The following SLCO1C1 variants were observed in gnomAD, a reference collection of about 807,000 sequenced individuals.
The protein encoded by SLCO1C1 is OAT-RP-5.
Under a neutral mutation model 76.4 loss-of-function variants are expected in SLCO1C1, and 70 were observed. The observed-to-expected ratio is 0.92, with a 90% CI of 0.76 to 1.12. The LOEUF (loss-of-function observed/expected upper bound fraction) is 1.12. SLCO1C1 is among the 50% of genes most tolerant of loss of function. The pLI, the probability that SLCO1C1 is intolerant of heterozygous loss-of-function variation, is 0.00. For synonymous variants in SLCO1C1, 306 were observed against 286.1 expected (o/e 1.07, Z -0.70); for missense variants, 912 against 823.8 (o/e 1.11, Z -1.31).
chr12:20,720,162 A>G (rs1188490158), intron 7 of SLCO1C1, among the ~76,000 whole-genome samples: 1 of 152,214 alleles, frequency 6.6e-6, no homozygotes, highest in African/African-American at 2.4e-5. Context: ...TTTACTAACT[A>G]TTTGAAGCCC....
chr12:20,734,352 G>C (rs1048399170), intron 10 of SLCO1C1, among the ~76,000 whole-genome samples: 1 of 152,146 alleles, frequency 6.6e-6, no homozygotes, highest in Non-Finnish European at 1.5e-5. Context: ...TGCTGCCTTA[G>C]TGAAAGTCAG....
intron 9 of SLCO1C1, among the ~76,000 whole-genome samples, chr12:20,729,072 A>AT (rs1948155964): frequency 6.6e-6 from 1 of 152,200 alleles, no homozygotes. Context: ...AGATCAACAC[A>AT]TTTTATGATG....
At chr12:20,746,106 A>C (rs1949030396) in intron 13 of SLCO1C1, among the ~76,000 whole-genome samples, 2 of 152,126 alleles carry the variant, frequency 1.3e-5, no homozygotes, top group Non-Finnish European at 2.9e-5. Context: ...CTTTTTTTAT[A>C]CTAGAAAATG....
chr12:20,726,055 C>T (rs574765064), intron 9 of SLCO1C1, among the ~76,000 whole-genome samples: 3 of 152,104 alleles, frequency 2.0e-5, no homozygotes, highest in South Asian at 4.1e-4. Flanking sequence ...GCCGACTAAG[C>T]GTAAGTGGGC....
intron 12 of SLCO1C1, among the ~76,000 whole-genome samples, chr12:20,740,725 G>A (rs1948761202): frequency 7.1e-6 from 1 of 141,020 alleles, no homozygotes; most frequent in African/African-American, 2.6e-5. Context: ...CAAGTCATGG[G>A]AAATAGAATT....
intron 9 of SLCO1C1, among the ~76,000 whole-genome samples, chr12:20,731,736 T>C (rs1183914724): frequency 1.3e-5 from 2 of 152,234 alleles, no homozygotes; most frequent in Non-Finnish European, 2.9e-5. Flanking sequence ...AGAGTTACAA[T>C]TTACAATCCA....
At chr12:20,719,897 C>T (rs188211228) in intron 7 of SLCO1C1, among the ~76,000 whole-genome samples, 1 of 152,162 alleles carries the variant, frequency 6.6e-6, no homozygotes, top group Non-Finnish European at 1.5e-5. Flanking sequence ...AGATTTTCAT[C>T]GTAGATGAAA....
intron 2 of SLCO1C1, chr12:20,700,317 G>C (rs1232154990): frequency 6.6e-6 from 1 of 151,828 alleles, no homozygotes; most frequent in Non-Finnish European, 1.5e-5. Flanking sequence ...AATGACTAGT[G>C]ATGTTGAGCA....
chr12:20,699,753 C>A, intron 2 of SLCO1C1, 48 bp downstream of exon 2: 2 of 1,554,888 alleles, frequency 1.3e-6, no homozygotes, highest in Non-Finnish European at 1.7e-6. Flanking sequence ...AGTTTTCTGT[C>A]CAGATATCAT....
intron 4 of SLCO1C1, among the ~76,000 whole-genome samples, chr12:20,710,838 T>C (rs1054787625): frequency 6.6e-6 from 1 of 152,160 alleles, no homozygotes; most frequent in African/African-American, 2.4e-5. Flanking sequence ...AAAATCATGA[T>C]TTTATCAAGT....
At position 20,718,715 on chromosome 12, in the gene SLCO1C1, G is replaced by A. The variant is rs78698591; in HGVS notation, c.775+1485G>A. Among the ~76,000 whole-genome samples, 335 of 152,192 alleles carry A rather than the reference G, an allele frequency of 2.2e-3. 2 individuals are homozygous for A. The highest frequency in any genetic ancestry group is 6.7e-3 in the African/African-American group (280 of 41,520). On this transcript the variant is annotated intron_variant, in intron 7 of 14. Transcript: ENST00000266509. ...AAAGTGGTGCTGATATAGAGGAGTC[G>A]CCACATGAGGTTTTGAGCCTTCAAA...
intron 14 of SLCO1C1, among the ~76,000 whole-genome samples, chr12:20,751,773 G>C (rs1949319905): frequency 6.6e-6 from 1 of 152,038 alleles, no homozygotes; most frequent in Admixed American, 6.6e-5. Flanking sequence ...ACAAAGCATA[G>C]AACTATAGGT....
At chr12:20,711,258 T>A (rs1322826383) in intron 4 of SLCO1C1, 128 bp from the exon 5 acceptor site, 1 of 1,047,216 alleles carries the variant, frequency 9.5e-7, no homozygotes, top group Non-Finnish European at 1.4e-6. Context: ...CTGGCTTGAT[T>A]TGGTGAATTA....
At chr12:20,742,092 C>T (rs1217416643) in intron 12 of SLCO1C1, among the ~76,000 whole-genome samples, 1 of 152,126 alleles carries the variant, frequency 6.6e-6, no homozygotes, top group African/African-American at 2.4e-5. Context: ...ATGGGAAATA[C>T]AACATGGAGA....
intron 9 of SLCO1C1, 65 bp from the exon 10 acceptor site, chr12:20,732,844 T>C: frequency 6.5e-7 from 1 of 1,535,508 alleles, no homozygotes; most frequent in South Asian, 1.2e-5. Context: ...TTTAGAAAGT[T>C]TGTGTTAGTA....
At chr12:20,718,513 T>C (rs953375794) in intron 7 of SLCO1C1, among the ~76,000 whole-genome samples, 2 of 152,210 alleles carry the variant, frequency 1.3e-5, no homozygotes, top group South Asian at 4.1e-4. Flanking sequence ...TTGCTTCATA[T>C]CTAGAATAGC....
intron 7 of SLCO1C1, among the ~76,000 whole-genome samples, chr12:20,718,811 A>G (rs993231233): frequency 6.6e-6 from 1 of 152,328 alleles, no homozygotes; most frequent in African/African-American, 2.4e-5. Flanking sequence ...TTTGAAAATC[A>G]TGAAGCCTAT....
intron 8 of SLCO1C1, among the ~76,000 whole-genome samples, chr12:20,722,883 C>T (rs1427962006): frequency 6.6e-6 from 1 of 152,190 alleles, no homozygotes; most frequent in Admixed American, 6.5e-5. Context: ...AAATGAGTGC[C>T]TATGTCTGGA....
At chr12:20,710,962 AC>A (rs1947065776) in intron 4 of SLCO1C1, among the ~76,000 whole-genome samples, 1 of 152,214 alleles carries the variant, frequency 6.6e-6, no homozygotes, top group Non-Finnish European at 1.5e-5. Flanking sequence ...TGGCCCAGGT[AC>A]GTGTAAAGCA....
Sources: allele counts gnomAD v4.1 joint callset (sites outside exome capture counted in the v4.1 genomes callset), GRCh38; gene constraint gnomAD v4.1.1; transcripts MANE v1.5; gene names NCBI Gene and HGNC (gene_info 2026-07-23, HGNC 2026-07-21).